SHISAL1: variants seen among roughly 807,000 people sequenced by gnomAD.
SHISAL1 encodes the protein protein shisa-like-1.
A neutral mutation model predicts 22.6 loss-of-function variants in SHISAL1; 9 were observed. That is an observed-to-expected ratio of 0.40 (90% CI 0.24 to 0.70). The LOEUF (loss-of-function observed/expected upper bound fraction) is 0.70, where lower values mean the gene tolerates loss of function less well. Ranked by LOEUF, SHISAL1 falls within the 30% of genes least tolerant of loss-of-function variation. The pLI is 0.39. For missense variants in SHISAL1, 246 were observed against 270.6 expected, an observed-to-expected ratio of 0.91 and a Z score of 0.64; for synonymous variants, 119 against 115.4, an observed-to-expected ratio of 1.03 and a Z score of -0.20.
chr22:44,295,055 T>TG (rs1382801398), intron 3 of SHISAL1, among the ~76,000 whole-genome samples: 1 of 152,100 alleles, frequency 6.6e-6, no homozygotes, highest in Non-Finnish European at 1.5e-5. Flanking sequence ...TGGATTTTTT[T>TG]GGGGGGAGGT....
At chr22:44,283,720 C>T (rs377551044) in intron 4 of SHISAL1, among the ~76,000 whole-genome samples, 38 of 152,230 alleles carry the variant, frequency 2.5e-4, no homozygotes, top group African/African-American at 7.9e-4. Context: ...GGAGGACCAC[C>T]GTTTTAAACG....
chr22:44,299,170 C>T (rs3935379), intron 2 of SHISAL1, among the ~76,000 whole-genome samples: 55,971 of 152,104 alleles, frequency 0.37, 11,613 homozygotes, highest in Non-Finnish European at 0.47. Flanking sequence ...GGGCAGCATC[C>T]GTGGGCTTCT....
intron 4 of SHISAL1, among the ~76,000 whole-genome samples, chr22:44,264,198 A>T (rs1388703187): frequency 6.6e-6 from 1 of 152,168 alleles, no homozygotes; most frequent in Non-Finnish European, 1.5e-5. Context: ...TGGTGGACCC[A>T]TGGGATTGCC....
At chr22:44,303,671 C>T (rs2055449464) in intron 1 of SHISAL1, among the ~76,000 whole-genome samples, 1 of 152,182 alleles carries the variant, frequency 6.6e-6, no homozygotes, top group Non-Finnish European at 1.5e-5. Flanking sequence ...CTTTGCTAGG[C>T]AGCCCGAGCA....
rs8138951 is a variant in SHISAL1, at chr22:44,285,326, C to T, written c.599+102G>A. On this transcript the variant is annotated intron_variant, in intron 4 of 4. Coordinates refer to ENST00000381176, the MANE Select transcript of SHISAL1 (RefSeq NM_001099294.2). ...ACAACAAGATAAGCAAACAATCAGG[C>T]AACCAATGAGCCAAACACTATGGCG... 0.037 allele frequency: 47,117 copies of T among 1,276,786 alleles called. 6,395 individuals carry two copies. In the African/African-American group the frequency reaches 0.38, roughly 10 times the overall value. 79.1% of individuals were successfully genotyped at this position (1,276,786 alleles called of 1,614,324 possible). A position where few individuals can be genotyped will look rare whatever the true frequency, so the allele number is the denominator to read the frequency against.
chr22:44,320,192 T>A, the SHISAL1 span, among the ~76,000 whole-genome samples: 1 of 152,024 alleles, frequency 6.6e-6, no homozygotes, highest in South Asian at 2.1e-4. Context: ...AGAGGCCTTG[T>A]CTGGCAGTGT....
At chr22:44,274,231 C>A (rs1001526201) in intron 4 of SHISAL1, among the ~76,000 whole-genome samples, 2 of 152,120 alleles carry the variant, frequency 1.3e-5, no homozygotes, top group African/African-American at 4.8e-5. Flanking sequence ...GCCTGGGCGA[C>A]AGAATGAGAC....
chr22:44,308,713 G>GC (rs1386888876), intron 1 of SHISAL1, among the ~76,000 whole-genome samples: 1 of 152,212 alleles, frequency 6.6e-6, no homozygotes, highest in Non-Finnish European at 1.5e-5. Flanking sequence ...ACTCTGTGCA[G>GC]CGTGCCTGGT....
In SHISAL1 at chr22:44,255,999, C is replaced by T. The variant is rs564142433; in HGVS notation, c.*-6314G>A. Among the ~76,000 whole-genome samples, 5 of 152,310 alleles carry T rather than the reference C, an allele frequency of 3.3e-5. No homozygotes were observed. The South Asian group carries it at 6.2e-4, about 19-fold the overall frequency. On this transcript the variant is annotated intron_variant, in intron 4 of 4. Coordinates refer to ENST00000381176, the MANE Select transcript of SHISAL1 (RefSeq NM_001099294.2). ...CCTGTGCAGGTGGCTTCATCCAACCCGCTGGAGGCCTAAACAGAACCAACA... is the reference window on the plus strand; with the variant it reads ...CCTGTGCAGGTGGCTTCATCCAACCTGCTGGAGGCCTAAACAGAACCAACA...
chr22:44,300,307 C>G (rs1601801781), intron 2 of SHISAL1, among the ~76,000 whole-genome samples: 1 of 152,142 alleles, frequency 6.6e-6, no homozygotes, highest in African/African-American at 2.4e-5. Context: ...TTGCTGGGAG[C>G]AGGCCCTGGC....
intron 4 of SHISAL1, among the ~76,000 whole-genome samples, chr22:44,271,665 TC>T (rs1229110619): frequency 1.3e-5 from 2 of 152,106 alleles, no homozygotes; most frequent in African/African-American, 4.8e-5. Flanking sequence ...ATAAATTCCT[TC>T]TCCACTCGCT....
In SHISAL1 at chr22:44,285,521, G is replaced by T. The variant is rs375548333; in HGVS notation, c.506C>A (p.Pro169Gln). 1.2e-6 allele frequency: 2 copies of T among 1,613,480 alleles called. No homozygotes were observed. Among genetic ancestry groups the T allele is most frequent in the Non-Finnish European group, 1.7e-6 (2 of 1,179,668 alleles). ...CTGTGGGGCTTGTGGCAGCGGGCCT[G>T]GGGGAGGCTGCGGCTGTGGGGCCCG... ...GQRAPQPQPP[P>Q]GPLPQAPQAV... Residue 169 changes from proline to glutamine, a missense_variant, in exon 4 of 5, where the codon CCA (proline) becomes CAA (glutamine). Coordinates refer to ENST00000381176, the MANE Select transcript of SHISAL1 (RefSeq NM_001099294.2).
At chr22:44,314,613 A>G (rs138880237), upstream of SHISAL1, among the ~76,000 whole-genome samples, 293 of 152,254 alleles carry the variant, frequency 1.9e-3, 1 homozygote, top group African/African-American at 6.5e-3. Flanking sequence ...CCTGGAGGGA[A>G]GGTGACCCCA....
At chr22:44,299,420 A>G (rs539968085) in intron 2 of SHISAL1, among the ~76,000 whole-genome samples, 1 of 152,308 alleles carries the variant, frequency 6.6e-6, no homozygotes, top group South Asian at 2.1e-4. Context: ...CACCTTCCTC[A>G]TTTGTAAAAT....
At chr22:44,250,580 TC>T (rs1483024969) in intron 4 of SHISAL1, among the ~76,000 whole-genome samples, 1 of 152,126 alleles carries the variant, frequency 6.6e-6, no homozygotes, top group Non-Finnish European at 1.5e-5. Context: ...ATACTTACCT[TC>T]CCCGACTCCC....
chr22:44,246,492 T>C lies in SHISAL1; in HGVS notation c.*3193A>G, dbSNP rs984503738. On this transcript the variant is annotated 3_prime_UTR_variant, in exon 5 of 5. Transcript: ENST00000381176. ...TAAAAAACAGTAACTCTAGCTATGC[T>C]TGAACTCGTCACTACCCTGCATCCA... 3.9e-5 allele frequency: 6 copies of C among 152,208 alleles called. No individual in the cohort carries two copies. Among genetic ancestry groups the C allele is most frequent in the Non-Finnish European group, 7.3e-5 (5 of 68,056 alleles). 9.4% of individuals were successfully genotyped at this position (152,208 alleles called of 1,614,324 possible). A position where few individuals can be genotyped will look rare whatever the true frequency, so the allele number is the denominator to read the frequency against.
chr22:44,298,616 G>C (rs1401075847), intron 2 of SHISAL1, among the ~76,000 whole-genome samples: 1 of 152,212 alleles, frequency 6.6e-6, no homozygotes, highest in Non-Finnish European at 1.5e-5. Context: ...TCACGCTGCT[G>C]GGCAGAAAGT....
At chr22:44,311,348 C>A (rs1331367644) in intron 1 of SHISAL1, among the ~76,000 whole-genome samples, 1 of 152,198 alleles carries the variant, frequency 6.6e-6, no homozygotes, top group Non-Finnish European at 1.5e-5. Flanking sequence ...TGACCTCCAA[C>A]GTGGAAACCT....
At chr22:44,329,762 C>T in the SHISAL1 span, among the ~76,000 whole-genome samples, 1 of 152,176 alleles carries the variant, frequency 6.6e-6, no homozygotes, top group Non-Finnish European at 1.5e-5. Context: ...TGGGGAGCGA[C>T]CCCCCAATTC....
Sources: allele counts gnomAD v4.1 joint callset (sites outside exome capture counted in the v4.1 genomes callset), GRCh38; gene constraint gnomAD v4.1.1; transcripts MANE v1.5; gene names NCBI Gene and HGNC (gene_info 2026-07-23, HGNC 2026-07-21).